The following CFAP20DC variants were observed in gnomAD, a reference collection of about 807,000 sequenced individuals.
CFAP20DC encodes the protein protein CFAP20DC.
In CFAP20DC, 84 loss-of-function variants were observed where a neutral mutation model predicts 101.7. The ratio of observed to expected loss-of-function variants is 0.83; its 90% CI spans 0.69 to 0.99. The LOEUF (loss-of-function observed/expected upper bound fraction) is 0.99, where lower values mean the gene tolerates loss of function less well. Ranked by LOEUF, CFAP20DC falls within the 50% of genes least tolerant of loss-of-function variation. The pLI is 0.00. For synonymous variants in CFAP20DC, 359 were observed against 351.2 expected (o/e 1.02, Z -0.25); for missense variants, 1,007 against 970.3 (o/e 1.04, Z -0.50).
intron 4 of CFAP20DC, among the ~76,000 whole-genome samples, chr3:58,954,764 T>A (rs1269419216): frequency 6.6e-6 from 1 of 152,186 alleles, no homozygotes; most frequent in Non-Finnish European, 1.5e-5. Context: ...GACACTTTAG[T>A]GTGCTTATTA....
intron 7 of CFAP20DC, among the ~76,000 whole-genome samples, chr3:58,875,245 T>C (rs2080644322): frequency 6.6e-6 from 1 of 152,168 alleles, no homozygotes; most frequent in Non-Finnish European, 1.5e-5. Context: ...CATATGTATT[T>C]TTTTTTACCA....
At chr3:58,959,505 T>C (rs1399987401) in intron 4 of CFAP20DC, among the ~76,000 whole-genome samples, 1 of 152,212 alleles carries the variant, frequency 6.6e-6, no homozygotes, top group African/African-American at 2.4e-5. Context: ...CTCAGCACTA[T>C]TTGTTGAAAA....
intron 3 of CFAP20DC, among the ~76,000 whole-genome samples, chr3:59,039,884 AAAT>A (rs1398745177): frequency 2.0e-5 from 3 of 152,030 alleles, no homozygotes; most frequent in Non-Finnish European, 4.4e-5. Flanking sequence ...AAAATTTCAA[AAAT>A]AATAAGTTTT....
At chr3:58,790,104 A>G (rs1032261629) in intron 15 of CFAP20DC, among the ~76,000 whole-genome samples, 3 of 152,196 alleles carry the variant, frequency 2.0e-5, no homozygotes, top group African/African-American at 7.2e-5. Context: ...TGTATGGCTC[A>G]ATGAATGATC....
chr3:58,801,115 G>A (rs1011429961), intron 15 of CFAP20DC, among the ~76,000 whole-genome samples: 1 of 151,946 alleles, frequency 6.6e-6, no homozygotes, highest in Non-Finnish European at 1.5e-5. Context: ...GGAACTTGGT[G>A]AACAGCCAGA....
chr3:58,819,691 A>T (rs1340453707), intron 14 of CFAP20DC, among the ~76,000 whole-genome samples: 1 of 144,394 alleles, frequency 6.9e-6, no homozygotes, highest in Non-Finnish European at 1.5e-5. Context: ...AGATGGATTC[A>T]CAGCCGAATT....
At chr3:58,816,998 C>T (rs747851963) in intron 14 of CFAP20DC, among the ~76,000 whole-genome samples, 13 of 152,264 alleles carry the variant, frequency 8.5e-5, no homozygotes, top group Admixed American at 3.3e-4. Context: ...CCCCGAGCAG[C>T]CTAACTGGGA....
At chr3:59,043,357 A>G (rs1447702553) in intron 3 of CFAP20DC, among the ~76,000 whole-genome samples, 2 of 152,110 alleles carry the variant, frequency 1.3e-5, no homozygotes, top group African/African-American at 4.8e-5. Context: ...AGGAAAATAT[A>G]AGAAGGAGGT....
At chr3:58,794,552 GA>G in intron 15 of CFAP20DC, among the ~76,000 whole-genome samples, 1 of 152,280 alleles carries the variant, frequency 6.6e-6, no homozygotes, top group Non-Finnish European at 1.5e-5. Context: ...TTGCTAGAGT[GA>G]AAAATTATGT....
At chr3:59,044,363 C>T (rs1699668119) in intron 3 of CFAP20DC, among the ~76,000 whole-genome samples, 1 of 152,000 alleles carries the variant, frequency 6.6e-6, no homozygotes, top group African/African-American at 2.4e-5. Context: ...TCAAAAATTC[C>T]AAATAACCTT....
intron 14 of CFAP20DC, among the ~76,000 whole-genome samples, chr3:58,822,034 C>T (rs1180033342): frequency 1.4e-5 from 2 of 143,022 alleles, no homozygotes; most frequent in East Asian, 4.4e-4. Flanking sequence ...TCTCAGTAAA[C>T]TATCGCAAGA....
rs2079086373 is a variant in CFAP20DC, at chr3:58,859,610, A to G, written c.1593+3948T>C. ...AGAAGAGCTTCAATAGATAATAATA[A>G]AGACATGTAGATGTGAACAGCCTAA... On this transcript the variant is annotated intron_variant, in intron 12 of 16. Coordinates refer to ENST00000482387, the MANE Select transcript of CFAP20DC (RefSeq NM_001394063.1). The surrounding 1 kb of genome is among the most constrained non-coding windows in gnomAD (Gnocchi z 4.1). Among the ~76,000 whole-genome samples the G allele has an allele frequency of 6.6e-6, 1 of 152,186 alleles. No homozygotes were observed. Among genetic ancestry groups the G allele is most frequent in the Non-Finnish European group, 1.5e-5 (1 of 68,034 alleles).
At position 58,800,346 on chromosome 3, in the gene CFAP20DC, A is replaced by G. The variant is rs59468250; in HGVS notation, c.2237+6049T>C. Among the ~76,000 whole-genome samples, 686 of 152,324 alleles carry G rather than the reference A, an allele frequency of 4.5e-3. 5 individuals are homozygous for G. Among genetic ancestry groups the G allele is most frequent in the African/African-American group, 0.016 (648 of 41,584 alleles). The stretch of plus-strand genomic sequence containing the variant: ...AGAGAAAAGAGGCTGGATTTGGCAT[A>G]TACTATCTTTGAAGGGAACACTTGC... On this transcript the variant is annotated intron_variant, in intron 15 of 16. Transcript: ENST00000482387.
At chr3:58,771,940 G>A (rs565905112) in intron 15 of CFAP20DC, among the ~76,000 whole-genome samples, 155 of 152,196 alleles carry the variant, frequency 1.0e-3, no homozygotes, top group African/African-American at 3.6e-3. Context: ...AGACTTCCAT[G>A]CACATGTAAA....
intron 15 of CFAP20DC, among the ~76,000 whole-genome samples, chr3:58,777,059 T>TAA (rs112149298): frequency 1.2e-4 from 18 of 151,866 alleles, no homozygotes; most frequent in Middle Eastern, 3.4e-3. Context: ...CTATTAAGAT[T>TAA]AAAAAAAATA....
chr3:58,901,388 T>C (rs2083131842), intron 6 of CFAP20DC, among the ~76,000 whole-genome samples: 1 of 152,180 alleles, frequency 6.6e-6, no homozygotes, highest in African/African-American at 2.4e-5. Context: ...CTCCACCACT[T>C]ATTAGCTGTG....
chr3:58,814,614 T>C (rs1043722610), intron 14 of CFAP20DC, among the ~76,000 whole-genome samples: 1 of 151,252 alleles, frequency 6.6e-6, no homozygotes, highest in African/African-American at 2.5e-5. Context: ...AACCCCATTG[T>C]CTCAGCCCAA....
intron 6 of CFAP20DC, among the ~76,000 whole-genome samples, chr3:58,890,853 T>C (rs2082167134): frequency 6.9e-6 from 1 of 144,918 alleles, no homozygotes; most frequent in African/African-American, 2.7e-5. Context: ...CGCTCCTCAC[T>C]TCCTAGATGT....
chr3:58,716,206 C>T (rs1336407157), downstream of CFAP20DC, among the ~76,000 whole-genome samples: 1 of 120,820 alleles, frequency 8.3e-6, no homozygotes, highest in East Asian at 2.6e-4. Flanking sequence ...CCAGGCGGGA[C>T]TGCGGACTGC....
Sources: gnomAD v4.1 joint callset for allele counts (sites outside exome capture counted in the v4.1 genomes callset) on GRCh38, gnomAD v4.1.1 for gene constraint, Gnocchi (gnomAD v3.1) non-coding constraint, MANE v1.5 for transcripts, NCBI Gene and HGNC (gene_info 2026-07-23, HGNC 2026-07-21) for gene names.